RNF13: variants seen among roughly 807,000 people sequenced by gnomAD.
The protein encoded by RNF13 is ring finger protein 13.
Under a neutral mutation model 37.7 loss-of-function variants are expected in RNF13, and 19 were observed. The observed-to-expected ratio is 0.50, with a 90% confidence interval of 0.35 to 0.74. The LOEUF is 0.74. Among genes scored for constraint, RNF13 ranks in the 30% least tolerant of loss-of-function variants. The pLI, the probability that RNF13 is intolerant of heterozygous loss-of-function variation, is 0.01. For synonymous variants in RNF13, 144 were observed against 157.8 expected (o/e 0.91, Z 0.65); for missense variants, 375 against 453.0 (o/e 0.83, Z 1.56).
chr3:149,884,831 T>A (rs1713835751), intron 4 of RNF13, among the ~76,000 whole-genome samples: 1 of 152,016 alleles, frequency 6.6e-6, no homozygotes. Flanking sequence ...TGCTATCAAG[T>A]ACTAGGTCTT....
chr3:149,858,860 A>G (rs1313679655), intron 3 of RNF13, among the ~76,000 whole-genome samples: 1 of 152,198 alleles, frequency 6.6e-6, no homozygotes, highest in Non-Finnish European at 1.5e-5. Flanking sequence ...TTGAAAGTTA[A>G]TTTACCAGTT....
rs1716865877 is a variant in RNF13, at chr3:149,910,344, GA to G, written c.501-1631del. ...TGTGCAAAGCTATACAAATGTGTGT[GA>G]AATCCTTTGTCATCCCCCATTCTGC... is the stretch of plus-strand genomic sequence containing the variant. On this transcript the variant is annotated intron_variant, in intron 6 of 9. Transcript: ENST00000392894. Among the ~76,000 whole-genome samples, 4 of 152,162 alleles carry G rather than the reference GA, an allele frequency of 2.6e-5. No individual in the cohort carries two copies. In the South Asian group the frequency reaches 8.3e-4, roughly 32 times the overall value.
At chr3:149,939,234 C>T (rs552325411) in intron 8 of RNF13, 7 of 503,072 alleles carry the variant, frequency 1.4e-5, no homozygotes, top group Non-Finnish European at 2.3e-5. Context: ...TGGAGTATCT[C>T]GTATGGATTT....
intron 5 of RNF13, among the ~76,000 whole-genome samples, chr3:149,896,168 C>G (rs1281860692): frequency 6.6e-6 from 1 of 152,130 alleles, no homozygotes; most frequent in Admixed American, 6.5e-5. Flanking sequence ...TTACTCAGGG[C>G]ACTATGGGGT....
intron 3 of RNF13, among the ~76,000 whole-genome samples, chr3:149,869,287 A>C (rs1576793872): frequency 6.6e-6 from 1 of 151,804 alleles, no homozygotes. Flanking sequence ...CCTTAAAACT[A>C]CTATTTTGAA....
At chr3:149,856,444 C>CTT (rs34185354) in intron 3 of RNF13, among the ~76,000 whole-genome samples, 1,370 of 135,194 alleles carry the variant, frequency 0.01, 12 homozygotes, top group Middle Eastern at 0.036. Flanking sequence ...CTGAAAAATA[C>CTT]TTTTTTTTTT....
At chr3:149,871,527 T>TA (rs1425732748) in intron 3 of RNF13, among the ~76,000 whole-genome samples, 2 of 151,634 alleles carry the variant, frequency 1.3e-5, no homozygotes, top group Admixed American at 1.3e-4. Flanking sequence ...TTTAAATAGT[T>TA]ACCTTGTGGA....
In RNF13 at chr3:149,871,145, C is replaced by T. The variant is rs150407248; in HGVS notation, c.196-884C>T. Among the ~76,000 whole-genome samples the T allele has an allele frequency of 2.0e-3, 297 of 151,214 alleles. 2 individuals carry two copies. Among genetic ancestry groups the T allele is most frequent in the African/African-American group, 6.8e-3 (281 of 41,186 alleles). ...CAACTTCCACCTCCTGGGTTCAAGC[C>T]ATTCTCCTGCCTCAGCCTCCCAAGT... On this transcript the variant is annotated intron_variant, in intron 3 of 9. Coordinates refer to ENST00000392894, the MANE Select transcript of RNF13 (RefSeq NM_183381.3).
At chr3:149,833,360 G>C (rs1057079171) in intron 1 of RNF13, among the ~76,000 whole-genome samples, 3 of 152,044 alleles carry the variant, frequency 2.0e-5, no homozygotes, top group African/African-American at 7.2e-5. Context: ...GACTGCTGAT[G>C]TAAAAATCCT....
At chr3:149,893,028 A>G (rs548518392) in intron 4 of RNF13, among the ~76,000 whole-genome samples, 1 of 152,232 alleles carries the variant, frequency 6.6e-6, no homozygotes, top group African/African-American at 2.4e-5. Context: ...AGCCAGTTCT[A>G]CACAGGGTCA....
At position 149,960,850 on chromosome 3, in the gene RNF13, A is replaced by G. The variant is rs751371037; in HGVS notation, c.892A>G (p.Ser298Gly). The G allele has an allele frequency of 4.3e-6, 7 of 1,614,228 alleles. No individual in the cohort carries two copies. Among genetic ancestry groups the G allele is most frequent in the South Asian group, 1.1e-5 (1 of 91,086 alleles). The change falls in exon 10 of 10, where the codon AGT becomes GGT. Residue 298 changes from serine (S) to glycine (G), a missense_variant. By Grantham distance (56) the Ser-to-Gly change is moderately conservative. Coordinates refer to ENST00000392894, the MANE Select transcript of RNF13 (RefSeq NM_183381.3). ...AGGCGATTCAGACTCTGACACAGAC[A>G]GTAGTCAAGAAGAAAATGAAGTGAC... ...SQGDSDSDTD[S>G]SQEENEVTEH...
At chr3:149,891,570 A>T (rs1714700553) in intron 4 of RNF13, among the ~76,000 whole-genome samples, 1 of 152,224 alleles carries the variant, frequency 6.6e-6, no homozygotes, top group African/African-American at 2.4e-5. Flanking sequence ...TATGTAATTT[A>T]GTTGCATGTA....
chr3:149,936,552 C>A (rs1012511515), intron 8 of RNF13, among the ~76,000 whole-genome samples: 1 of 151,928 alleles, frequency 6.6e-6, no homozygotes. Flanking sequence ...TTCACAGTTC[C>A]AAGATTTCTA....
At chr3:149,886,484 T>C (rs530065395) in intron 4 of RNF13, among the ~76,000 whole-genome samples, 60 of 152,300 alleles carry the variant, frequency 3.9e-4, no homozygotes, top group Non-Finnish European at 7.8e-4. Flanking sequence ...TTAGTTTTAG[T>C]AGTTTATTTG....
chr3:149,881,568 T>G (rs1371617721), intron 4 of RNF13, among the ~76,000 whole-genome samples: 2 of 152,174 alleles, frequency 1.3e-5, no homozygotes, highest in African/African-American at 4.8e-5. Context: ...TGACCTCAAG[T>G]GATCCACCCA....
intron 3 of RNF13, among the ~76,000 whole-genome samples, chr3:149,862,989 A>C (rs915762680): frequency 2.6e-5 from 4 of 152,224 alleles, no homozygotes; most frequent in African/African-American, 9.6e-5. Context: ...AGTAATCGTC[A>C]CCTTTGAAAT....
intron 1 of RNF13, among the ~76,000 whole-genome samples, chr3:149,841,307 A>G (rs1722155646): frequency 6.6e-6 from 1 of 152,198 alleles, no homozygotes; most frequent in Non-Finnish European, 1.5e-5. Flanking sequence ...AAACAACAAA[A>G]CAAAACCTAG....
chr3:149,857,654 A>G (rs1723782349), intron 3 of RNF13, among the ~76,000 whole-genome samples: 1 of 152,234 alleles, frequency 6.6e-6, no homozygotes, highest in Non-Finnish European at 1.5e-5. Context: ...AAGATAAATA[A>G]TGTTACTTAG....
chr3:149,868,950 C>T lies in RNF13; in HGVS notation c.196-3079C>T, dbSNP rs186916473. 4.9e-4 allele frequency among the ~76,000 whole-genome samples: 74 copies of T among 151,852 alleles called. 1 individual carries two copies. The highest frequency in any genetic ancestry group is 1.8e-3 in the African/African-American group (74 of 41,536). The stretch of plus-strand genomic sequence containing the variant: ...AAGCTTTCTATACCTTACTTTTGCT[C>T]AGCTCCCTCTTGAACACAATAATTC... On this transcript the variant is annotated intron_variant, in intron 3 of 9. Coordinates refer to ENST00000392894, the MANE Select transcript of RNF13 (RefSeq NM_183381.3).
Sources: gnomAD v4.1 joint callset for allele counts (sites outside exome capture counted in the v4.1 genomes callset) on GRCh38, gnomAD v4.1.1 for gene constraint, MANE v1.5 for transcripts, NCBI Gene and HGNC (gene_info 2026-07-23, HGNC 2026-07-21) for gene names.